Variants in APC observed in about 807,000 individuals in gnomAD.
APC encodes the protein adenomatous polyposis coli protein.
Under a neutral mutation model 247.0 loss-of-function variants are expected in APC, and 72 were observed. The observed-to-expected ratio is 0.29, with a 90% CI of 0.24 to 0.35. The LOEUF (loss-of-function observed/expected upper bound fraction) is 0.35. Ranked by LOEUF, APC falls within the 10% of genes least tolerant of loss-of-function variation. APC has a pLI of 1.00. For synonymous variants in APC, 1,254 were observed against 1,162.5 expected, an observed-to-expected ratio of 1.08 and a Z score of -1.60; for missense variants, 3,400 against 3,360.7, an observed-to-expected ratio of 1.01 and a Z score of -0.29.
Position 112,745,525 on chromosome 5 carries a change from G to A in APC, c.-19+7600G>A, listed in dbSNP as rs182914809. Among the ~76,000 whole-genome samples the A allele has an allele frequency of 8.7e-3, 1,315 of 150,960 alleles. 9 individuals are homozygous for A. The highest frequency in any genetic ancestry group is 0.013 in the Non-Finnish European group (909 of 67,752). On this transcript the variant is annotated intron_variant, in intron 1 of 15. Transcript: ENST00000257430. ...TAAGTGAATGTTTAAGTAAAGTAAG[G>A]AAATAAATGAATTAATATTCACTTT...
At chr5:112,801,957 GTTAT>G (rs1390079938) in intron 8 of APC, among the ~76,000 whole-genome samples, 5 of 151,576 alleles carry the variant, frequency 3.3e-5, no homozygotes, top group Admixed American at 3.3e-4. Context: ...ATACAGAACT[GTTAT>G]TTGTTATGCT....
chr5:112,782,289 C>T (rs1300907914), intron 6 of APC, among the ~76,000 whole-genome samples: 5 of 152,202 alleles, frequency 3.3e-5, no homozygotes, highest in African/African-American at 2.4e-5. Flanking sequence ...GAGAGACCCA[C>T]CCCCATAATT....
chr5:112,794,407 G>A (rs564921451), intron 7 of APC, among the ~76,000 whole-genome samples: 22 of 152,254 alleles, frequency 1.4e-4, no homozygotes, highest in African/African-American at 5.1e-4. Context: ...AAGAAAATAT[G>A]TGCAGCTATG....
At chr5:112,813,875 T>A (rs1762225868) in intron 8 of APC, among the ~76,000 whole-genome samples, 1 of 152,312 alleles carries the variant, frequency 6.6e-6, no homozygotes, top group South Asian at 2.1e-4. Context: ...GGAGGTGCCA[T>A]CTCACAGTCC....
intron 1 of APC, among the ~76,000 whole-genome samples, chr5:112,717,765 A>G (rs1431837751): frequency 6.6e-6 from 1 of 152,060 alleles, no homozygotes; most frequent in Non-Finnish European, 1.5e-5. Flanking sequence ...TTGGTGTCTT[A>G]TCAGTCCTGG....
At chr5:112,828,327 A>G (rs562125434) in intron 13 of APC, among the ~76,000 whole-genome samples, 1 of 152,186 alleles carries the variant, frequency 6.6e-6, no homozygotes, top group South Asian at 2.1e-4. Context: ...CCTGATTTAG[A>G]TTGTTGCTCA....
intron 1 of APC, among the ~76,000 whole-genome samples, chr5:112,745,778 G>C (rs1001104638): frequency 6.6e-6 from 1 of 151,910 alleles, no homozygotes; most frequent in Non-Finnish European, 1.5e-5. Context: ...ATGTTGGCCA[G>C]GCTGGTCTCA....
Position 112,841,482 on chromosome 5 carries a change from T to C in APC, c.5888T>C (p.Phe1963Ser), listed in dbSNP as rs1411885238. ...NFAIENTPVC[F>S]SHNSSLSSLS... ...GCTATTGAAAATACTCCGGTTTGCT[T>C]TTCTCATAATTCCTCTCTGAGTTCT... The change falls in exon 16 of 16, where the codon TTT becomes TCT. Residue 1963 changes from phenylalanine to serine, a missense_variant. Around this residue, in one of 9 missense-constraint regions of APC, gnomAD observed 1,788 missense variants for 1,649.5 expected, o/e 1.08. Coordinates refer to ENST00000257430, the MANE Select transcript of APC (RefSeq NM_000038.6). This position sits in a 1 kb window ranked among gnomAD's most constrained non-coding sequence, Gnocchi z 4.6. 4 of 1,613,528 alleles carry C rather than the reference T, an allele frequency of 2.5e-6. No homozygotes were observed. The highest frequency in any genetic ancestry group is 3.4e-6 in the Non-Finnish European group (4 of 1,179,578).
intron 1 of APC, among the ~76,000 whole-genome samples, chr5:112,753,988 G>A (rs950804460): frequency 6.6e-6 from 1 of 152,128 alleles, no homozygotes; most frequent in Non-Finnish European, 1.5e-5. Flanking sequence ...ATAACTCCTA[G>A]CATTCTATAA....
chr5:112,710,949 C>G (rs929313474), intron 1 of APC, among the ~76,000 whole-genome samples: 4 of 152,244 alleles, frequency 2.6e-5, no homozygotes, highest in African/African-American at 9.6e-5. Flanking sequence ...TGCACTCGTA[C>G]TGCCTTTACC....
At chr5:112,803,891 T>G (rs143077678) in intron 8 of APC, among the ~76,000 whole-genome samples, 84 of 152,310 alleles carry the variant, frequency 5.5e-4, no homozygotes, top group African/African-American at 1.9e-3. Flanking sequence ...ATGAATCTGA[T>G]TATATCACTT....
intron 8 of APC, among the ~76,000 whole-genome samples, chr5:112,804,195 A>C (rs1761126481): frequency 6.6e-6 from 1 of 152,138 alleles, no homozygotes; most frequent in South Asian, 2.1e-4. Flanking sequence ...GGAATAAATA[A>C]AGTACTCTTT....
intron 1 of APC, among the ~76,000 whole-genome samples, chr5:112,747,896 G>A (rs1310777603): frequency 3.3e-5 from 5 of 152,162 alleles, no homozygotes; most frequent in African/African-American, 1.2e-4. Context: ...ACCTTGGGGT[G>A]TTTGAAAACC....
At chr5:112,820,280 C>T (rs1340830794) in intron 10 of APC, among the ~76,000 whole-genome samples, 1 of 151,784 alleles carries the variant, frequency 6.6e-6, no homozygotes, top group African/African-American at 2.4e-5. Context: ...ATGATACAAA[C>T]ATGACTTATG....
intron 1 of APC, among the ~76,000 whole-genome samples, chr5:112,745,575 A>AT (rs35214326): frequency 6.7e-6 from 1 of 149,920 alleles, no homozygotes; most frequent in Non-Finnish European, 1.5e-5. Flanking sequence ...TATTATTATT[A>AT]TTTTTTGAGA....
Position 112,766,402 on chromosome 5 carries a change from G to A in APC, c.212G>A (p.Arg71His), listed in dbSNP as rs750503329. 16 of 1,607,242 alleles carry A rather than the reference G, an allele frequency of 1.0e-5. No homozygotes were observed. Among genetic ancestry groups the A allele is most frequent in the East Asian group, 8.9e-5 (4 of 44,718 alleles). The stretch of plus-strand genomic sequence containing the variant: ...TCTGGACAGATTGATTTATTAGAGC[G>A]TCTTAAAGGTAGATTTTAAAAAGGT... ...ASSGQIDLLE[R>H]LKELNLDSSN... Residue 71 changes from arginine to histidine, a missense_variant, in exon 3 of 16, where the codon CGT becomes CAT. Arg to His is a conservative substitution (Grantham distance 29, BLOSUM62 0). Transcript: ENST00000257430.
In APC at chr5:112,844,173, G is replaced by A. The variant is rs777834371; in HGVS notation, c.*47G>A. 1.1e-5 allele frequency: 17 copies of A among 1,497,558 alleles called. 2 individuals carry two copies. In the South Asian group the frequency reaches 1.7e-4, roughly 15 times the overall value. 92.8% of individuals were successfully genotyped at this position (1,497,558 alleles called of 1,614,324 possible). A position where few individuals can be genotyped will look rare whatever the true frequency, so the allele number is the denominator to read the frequency against. ...AGAAAATTCTATGTTAATTACAACT[G>A]CTATATAGACATTTTGTTTCAAATG... On this transcript the variant is annotated 3_prime_UTR_variant, in exon 16 of 16. Coordinates refer to ENST00000257430, the MANE Select transcript of APC (RefSeq NM_000038.6).
intron 1 of APC, among the ~76,000 whole-genome samples, chr5:112,725,370 G>C (rs1217388347): frequency 1.3e-5 from 2 of 152,198 alleles, no homozygotes; most frequent in African/African-American, 2.4e-5. Flanking sequence ...ACTCGGTTCT[G>C]TTCCCCAGAG....
chr5:112,770,750 T>C (rs1385899342), intron 4 of APC, among the ~76,000 whole-genome samples: 1 of 152,160 alleles, frequency 6.6e-6, no homozygotes, highest in Non-Finnish European at 1.5e-5. Flanking sequence ...CATGACTTAC[T>C]GACTCACCAC....
Sources: gnomAD v4.1 joint callset for allele counts (sites outside exome capture counted in the v4.1 genomes callset) on GRCh38, gnomAD v4.1.1 for gene constraint, gnomAD v4.1.1 regional missense constraint, Gnocchi (gnomAD v3.1) non-coding constraint, MANE v1.5 for transcripts, NCBI Gene and HGNC (gene_info 2026-07-23, HGNC 2026-07-21) for gene names.